Variants in ANKRD36B observed in about 807,000 individuals in gnomAD.
ANKRD36B encodes the protein ankyrin repeat domain-containing protein 36B.
ANKRD36B carries 37 observed loss-of-function variants against 135.7 expected under a neutral mutation model. That is an observed-to-expected ratio of 0.27 (90% confidence interval 0.21 to 0.36). The LOEUF (loss-of-function observed/expected upper bound fraction) is 0.36. ANKRD36B is among the 10% of genes least tolerant of loss of function. The pLI, the probability that ANKRD36B is intolerant of heterozygous loss-of-function variation, is 1.00. For synonymous variants in ANKRD36B, 179 were observed against 348.1 expected, an observed-to-expected ratio of 0.51 and a Z score of 5.41; for missense variants, 549 against 1,037.1, an observed-to-expected ratio of 0.53 and a Z score of 6.46.
chr2:97,563,473 A>G (rs1331740389), intron 6 of ANKRD36B, among the ~76,000 whole-genome samples: 2 of 151,862 alleles, frequency 1.3e-5, no homozygotes, highest in South Asian at 2.1e-4. Flanking sequence ...CAAAAACCAG[A>G]GCAATATGGC....
chr2:97,545,522 C>A, intron 24 of ANKRD36B, 144 bp downstream of exon 24: 1 of 493,816 alleles, frequency 2.0e-6, no homozygotes, highest in South Asian at 1.8e-5. Context: ...TCAGGGTCAC[C>A]CGAGAACTTA....
At position 97,514,360 on chromosome 2, in the gene ANKRD36B, C is replaced by T. The variant is rs879830711; in HGVS notation, c.2622-997G>A. On this transcript the variant is annotated intron_variant, in intron 37 of 43. Coordinates refer to ENST00000359901, the MANE Select transcript of ANKRD36B (RefSeq NM_001393939.1). ...CTCTAGCAAATATTATGAAAAAGGA[C>T]GTTGAAAATTATTCAGTAAAGTTAC... Among the ~76,000 whole-genome samples, 18 of 99,892 alleles carry T rather than the reference C, an allele frequency of 1.8e-4. 1 individual carries two copies. The highest frequency in any genetic ancestry group is 9.2e-4 in the Admixed American group (10 of 10,824). 65.5% of individuals were successfully genotyped at this position (99,892 alleles called of 152,430 possible).
intron 6 of ANKRD36B, among the ~76,000 whole-genome samples, chr2:97,561,403 G>A (rs2081010907): frequency 6.6e-6 from 1 of 151,790 alleles, no homozygotes; most frequent in Admixed American, 6.6e-5. Flanking sequence ...ATATATGTTT[G>A]GTGAATTCTA....
chr2:97,549,116 C>G (rs1318513677), intron 20 of ANKRD36B, among the ~76,000 whole-genome samples: 1 of 151,874 alleles, frequency 6.6e-6, no homozygotes, highest in Non-Finnish European at 1.5e-5. Context: ...TGAAAACAAG[C>G]TGTAGAATTA....
intron 32 of ANKRD36B, among the ~76,000 whole-genome samples, chr2:97,537,746 C>A (rs2078963114): frequency 1.0e-5 from 1 of 96,608 alleles, no homozygotes; most frequent in Admixed American, 9.3e-5. Context: ...CCTTGCTCCT[C>A]ATTCTCCAGT....
chr2:97,540,042 G>C lies in ANKRD36B; in HGVS notation c.1979C>G (p.Ser660Cys), dbSNP rs760042886. ...GTGTTTTGTAAAATTACCTGTCCCA[G>C]ATTTTTCTCCATCCTTTATTTCTCT... ...IAREIKDGEK[S>C]GTVSPQKQSA... The change falls in exon 30 of 44, where the codon TCT (serine) becomes TGT (cysteine). Residue 660 changes from serine (S) to cysteine (C), a missense_variant. Transcript: ENST00000359901. 2.4e-5 allele frequency: 22 copies of C among 931,188 alleles called. 6 individuals are homozygous for C. The East Asian group carries it at 5.1e-4, about 22-fold the overall frequency. The allele number at this position is 931,188 out of a possible 1,614,324, so 57.7% of individuals were successfully genotyped here.
chr2:97,567,012 C>T (rs1299389862), intron 6 of ANKRD36B, among the ~76,000 whole-genome samples: 1 of 151,942 alleles, frequency 6.6e-6, no homozygotes, highest in Non-Finnish European at 1.5e-5. Context: ...TTCTAATCAA[C>T]TTCCAGTTGG....
intron 1 of ANKRD36B, among the ~76,000 whole-genome samples, chr2:97,587,141 G>C (rs12996449): frequency 5.3e-5 from 8 of 152,120 alleles, no homozygotes; most frequent in Non-Finnish European, 8.8e-5. Flanking sequence ...CCACTGCACT[G>C]CAGGCTGGGC....
At chr2:97,528,367 C>G in intron 35 of ANKRD36B, among the ~76,000 whole-genome samples, 1 of 93,928 alleles carries the variant, frequency 1.1e-5, no homozygotes, top group African/African-American at 3.2e-5. Flanking sequence ...AGAACAAAGA[C>G]ACAACATACC....
rs1312194096 is a variant in ANKRD36B at position 97,585,090 on chromosome 2, C to T, written c.304G>A (p.Ala102Thr). ...GCGCCATTTTGCAGCAGAAGAGTTG[C>T]ACAAGCCTCCTGCCTCAGTTGTACA... ...KAVQLRQEAC[A>T]TLLLQNGADP... Residue 102 changes from alanine (A) to threonine (T), a missense_variant, in exon 3 of 44, where the codon GCA (alanine) becomes ACA (threonine). Physicochemically the swap from Ala to Thr is moderately conservative, Grantham distance 58 (BLOSUM62 0). Transcript: ENST00000359901. 2.5e-6 allele frequency: 4 copies of T among 1,612,910 alleles called. No individual in the cohort carries two copies. The highest frequency in any genetic ancestry group is 3.4e-6 in the Non-Finnish European group (4 of 1,179,660).
intron 5 of ANKRD36B, among the ~76,000 whole-genome samples, chr2:97,578,204 A>C (rs1397968905): frequency 6.6e-6 from 1 of 152,120 alleles, no homozygotes; most frequent in Non-Finnish European, 1.5e-5. Context: ...TTTTGGAAAC[A>C]ATGGCTGAGC....
intron 3 of ANKRD36B, among the ~76,000 whole-genome samples, chr2:97,582,869 T>C (rs1426112156): frequency 7.9e-5 from 12 of 152,136 alleles, no homozygotes. Flanking sequence ...TTATAATTTA[T>C]GTTTAATTTT....
At chr2:97,549,787 G>C (rs1416951178) in intron 18 of ANKRD36B, among the ~76,000 whole-genome samples, 173 bp from the exon 19 acceptor site, 1 of 151,896 alleles carries the variant, frequency 6.6e-6, no homozygotes, top group Non-Finnish European at 1.5e-5. Flanking sequence ...CTGAGAAAAG[G>C]GAATACAGGC....
intron 20 of ANKRD36B, among the ~76,000 whole-genome samples, chr2:97,548,117 C>T (rs11688454): frequency 0.54 from 80,379 of 147,638 alleles, 23,113 homozygotes; most frequent in Non-Finnish European, 0.66. Context: ...TGCAACAAAT[C>T]AAAAGGATTT....
chr2:97,587,396 G>T (rs1223620917), intron 1 of ANKRD36B, among the ~76,000 whole-genome samples: 1 of 151,966 alleles, frequency 6.6e-6, no homozygotes, highest in Non-Finnish European at 1.5e-5. Context: ...CACATATTTG[G>T]CTTACTAACA....
chr2:97,579,398 C>T (rs1338804899), intron 4 of ANKRD36B, among the ~76,000 whole-genome samples: 2 of 142,168 alleles, frequency 1.4e-5, no homozygotes, highest in African/African-American at 5.1e-5. Context: ...GCAAAATCAG[C>T]TGAAGGGTCA....
intron 3 of ANKRD36B, among the ~76,000 whole-genome samples, chr2:97,584,320 C>A (rs2082827308): frequency 8.2e-6 from 1 of 121,712 alleles, no homozygotes; most frequent in Non-Finnish European, 1.6e-5. Flanking sequence ...CTGAAGCGAT[C>A]TTTGTCTAAA....
At position 97,543,804 on chromosome 2, in the gene ANKRD36B, T is replaced by C. The variant is rs1380904785; in HGVS notation, c.1769A>G (p.Gln590Arg). ...TGCAAAATTACCTGTTCCAGATTGT[T>C]GTCCATCCTTTATTTCTGTGGGTAT... ...SNIPTEIKDGQQSGTVSSQKQ... is the reference protein window; with the variant it reads ...SNIPTEIKDGRQSGTVSSQKQ... Residue 590 changes from glutamine to arginine, a missense_variant, in exon 26 of 44, where the codon CAA (glutamine) becomes CGA (arginine). By Grantham distance (43) the Gln-to-Arg change is conservative. Transcript: ENST00000359901. The C allele has an allele frequency of 4.9e-6, 1 of 202,254 alleles. No homozygotes were observed. The highest frequency in any genetic ancestry group is 2.6e-5 in the South Asian group (1 of 38,180). The allele number at this position is 202,254 out of a possible 1,614,324, so 12.5% of individuals were successfully genotyped here.
intron 30 of ANKRD36B, 88 bp downstream of exon 30, chr2:97,539,946 G>A (rs1159810567): frequency 5.0e-6 from 3 of 605,364 alleles, no homozygotes; most frequent in East Asian, 3.0e-5. Flanking sequence ...GTGCAGCTGC[G>A]ACGAACCCCC....
Sources: allele counts gnomAD v4.1 joint callset (sites outside exome capture counted in the v4.1 genomes callset), GRCh38; gene constraint gnomAD v4.1.1; transcripts MANE v1.5; gene names NCBI Gene and HGNC (gene_info 2026-07-23, HGNC 2026-07-21).